Variants in PSG9 observed in about 807,000 individuals in gnomAD.
PSG9 encodes pregnancy specific beta-1-glycoprotein 9, also known as pregnancy-specific beta-1-glycoprotein 9.
PSG9 carries 49 observed loss-of-function variants against 41.9 expected under a neutral mutation model. That is an observed-to-expected ratio of 1.17 (90% CI 0.93 to 1.48). PSG9 has a LOEUF of 1.48. PSG9 is among the 40% of genes most tolerant of loss of function. PSG9 has a pLI of 0.00. For synonymous variants in PSG9, 263 were observed against 196.8 expected (o/e 1.34, Z -2.82); for missense variants, 641 against 520.3 (o/e 1.23, Z -2.26).
chr19:43,267,128 C>T (rs189439509), intron 2 of PSG9, among the ~76,000 whole-genome samples: 2 of 152,182 alleles, frequency 1.3e-5, no homozygotes, highest in African/African-American at 4.8e-5. Flanking sequence ...ATGGACTGTC[C>T]TAAGCCTCCC....
chr19:43,262,376 T>C (rs372672119), intron 2 of PSG9, among the ~76,000 whole-genome samples: 9 of 152,090 alleles, frequency 5.9e-5, no homozygotes, highest in Admixed American at 1.3e-4. Context: ...AGCAGCAGCA[T>C]TGGGTCATGG....
intron 5 of PSG9, chr19:43,257,725 G>A (rs1968498861): frequency 1.7e-6 from 2 of 1,177,920 alleles, no homozygotes; most frequent in Non-Finnish European, 2.1e-6. Flanking sequence ...CCGGAGCAGA[G>A]CAGGAAGCAG....
chr19:43,269,335 C>T (rs751863314), intron 1 of PSG9, 33 bp downstream of exon 1: 3 of 1,613,178 alleles, frequency 1.9e-6, no homozygotes, highest in East Asian at 4.5e-5. Context: ...CCGCTTCCTC[C>T]CCCTGTCCTC....
At chr19:43,253,707 GCTT>G in intron 5 of PSG9, 61 bp from the exon 6 acceptor site, 1 of 1,057,880 alleles carries the variant, frequency 9.5e-7, no homozygotes, top group Non-Finnish European at 1.4e-6. Context: ...TACACAGAAA[GCTT>G]CTTTCCTACA....
At chr19:43,260,039 C>G (rs1161767274) in intron 3 of PSG9, 1 of 146,556 alleles carries the variant, frequency 6.8e-6, no homozygotes, top group Non-Finnish European at 1.5e-5. Context: ...GGATATGAGA[C>G]AAACTTGGAG....
At chr19:43,263,606 A>AT (rs899023355) in intron 2 of PSG9, among the ~76,000 whole-genome samples, 1 of 151,462 alleles carries the variant, frequency 6.6e-6, no homozygotes, top group African/African-American at 2.4e-5. Flanking sequence ...AAAAAAAAAA[A>AT]TTTGGAGGAA....
At chr19:43,258,722 G>A in intron 4 of PSG9, 135 bp downstream of exon 4, 1 of 1,436,718 alleles carries the variant, frequency 7.0e-7, no homozygotes, top group Non-Finnish European at 9.3e-7. Flanking sequence ...TCCCAGGGCA[G>A]GGAGTCATGG....
In PSG9 at chr19:43,258,946, A is replaced by T. The variant is rs141749653; in HGVS notation, c.899T>A (p.Val300Asp). Residue 300 changes from valine to aspartate, a missense_variant, in exon 4 of 6, where the codon GTC becomes GAC. Physicochemically the swap from Val to Asp is radical, Grantham distance 152 (BLOSUM62 -3). Transcript: ENST00000270077. ...ATAGGGTCCTGTTTCATTTCTCGTG[A>T]CACTGGGTAGAATGAGTATCCTGTT... ...IENRILILPS[V>D]TRNETGPYQC... 5.0e-5 allele frequency: 79 copies of T among 1,590,174 alleles called. 7 individuals carry two copies. The highest frequency in any genetic ancestry group is 6.7e-5 in the Non-Finnish European group (79 of 1,174,334).
rs764230759 is a variant in PSG9 at position 43,262,243 on chromosome 19, T to C, written c.431-105A>G. 6.9e-5 allele frequency: 105 copies of C among 1,523,056 alleles called. 1 individual carries two copies. The highest frequency in any genetic ancestry group is 8.9e-5 in the Non-Finnish European group (101 of 1,136,580). 94.3% of individuals were successfully genotyped at this position (1,523,056 alleles called of 1,614,324 possible). A position where few individuals can be genotyped will look rare whatever the true frequency, so the allele number is the denominator to read the frequency against. ...TTTCCCACCTCTCAGCCCAACCCAG[T>C]CCTTAAAAGCCCATGGCAGGTGTGT... On this transcript the variant is annotated intron_variant, in intron 2 of 5. Coordinates refer to ENST00000270077, the MANE Select transcript of PSG9 (RefSeq NM_002784.5).
intron 2 of PSG9, among the ~76,000 whole-genome samples, chr19:43,262,528 T>C (rs1006367067): frequency 4.6e-5 from 7 of 152,142 alleles, no homozygotes; most frequent in Admixed American, 1.3e-4. Context: ...CTTTGCCCCC[T>C]GAGGTATGTT....
rs1774919251 is a variant in PSG9 at position 43,253,403 on chromosome 19, G to C, written c.*206C>G. ...AATATTTCAATTTTTGTTTACAAAA[G>C]TATACTTTACCAATTGCTGAAGAAA... is the stretch of plus-strand genomic sequence containing the variant. On this transcript the variant is annotated 3_prime_UTR_variant, in exon 6 of 6. Coordinates refer to ENST00000270077, the MANE Select transcript of PSG9 (RefSeq NM_002784.5). The C allele has an allele frequency of 4.8e-6, 2 of 415,516 alleles. No individual in the cohort carries two copies. Among genetic ancestry groups the C allele is most frequent in the Non-Finnish European group, 4.2e-6 (1 of 237,810 alleles). 25.7% of individuals were successfully genotyped at this position (415,516 alleles called of 1,614,324 possible). A position where few individuals can be genotyped will look rare whatever the true frequency, so the allele number is the denominator to read the frequency against.
intron 5 of PSG9, chr19:43,257,946 C>A: frequency 7.0e-7 from 1 of 1,429,156 alleles, no homozygotes; most frequent in Non-Finnish European, 9.1e-7. Context: ...GCCTCTTCTA[C>A]CACATAGGGC....
intron 2 of PSG9, among the ~76,000 whole-genome samples, chr19:43,262,378 G>T (rs896770753): frequency 2.6e-5 from 4 of 152,094 alleles, no homozygotes; most frequent in Non-Finnish European, 5.9e-5. Flanking sequence ...CAGCAGCATT[G>T]GGTCATGGAA....
chr19:43,268,294 C>A (rs570965999), intron 1 of PSG9, 145 bp from the exon 2 acceptor site: 9 of 1,303,808 alleles, frequency 6.9e-6, no homozygotes, highest in African/African-American at 4.5e-5. Flanking sequence ...ACACAAAAAA[C>A]GGGCATGTGT....
At chr19:43,268,929 G>A (rs199762399) in intron 1 of PSG9, among the ~76,000 whole-genome samples, 39 of 147,158 alleles carry the variant, frequency 2.7e-4, no homozygotes, top group African/African-American at 4.3e-4. Flanking sequence ...CCGGTTCAAT[G>A]TGACTTTCCT....
Position 43,258,806 on chromosome 19 carries a change from G to T in PSG9, c.988+51C>A, listed in dbSNP as rs373708099. ...AGACTGAGAGGCCTGGCATCTGGTC[G>T]TTTGGACTTAAGCTGGTGTCCTGGC... On this transcript the variant is annotated intron_variant, in intron 4 of 5. Coordinates refer to ENST00000270077, the MANE Select transcript of PSG9 (RefSeq NM_002784.5). The T allele has an allele frequency of 1.8e-5, 29 of 1,575,026 alleles. 7 individuals are homozygous for T. In the East Asian group the frequency reaches 7.2e-4, roughly 39 times the overall value.
chr19:43,264,170 C>A (rs974613874), intron 2 of PSG9, among the ~76,000 whole-genome samples: 4 of 151,964 alleles, frequency 2.6e-5, no homozygotes, highest in African/African-American at 4.8e-5. Context: ...TAGATATCAC[C>A]CACCTGGCCA....
At chr19:43,266,159 C>T (rs1302877796) in intron 2 of PSG9, among the ~76,000 whole-genome samples, 1 of 151,856 alleles carries the variant, frequency 6.6e-6, no homozygotes, top group African/African-American at 2.4e-5. Context: ...ACTTCAGAGA[C>T]CCCAGGGCCC....
Position 43,267,876 on chromosome 19 carries a change from G to A in PSG9, c.338C>T (p.Thr113Ile), listed in dbSNP as rs760602046. Residue 113 changes from threonine to isoleucine, a missense_variant, in exon 2 of 6, where the codon ACC becomes ATC. Thr to Ile is a moderately conservative substitution (Grantham distance 89, BLOSUM62 -1). Coordinates refer to ENST00000270077, the MANE Select transcript of PSG9 (RefSeq NM_002784.5). ...SNASLLIQNV[T>I]RKDAGTYTLH... Reference sequence around the variant, plus strand: ...GGTGTAGGTTCCTGCATCCTTCCGGGTGACATTCTGGATCAGCAGGGATGC... The same window carrying A: ...GGTGTAGGTTCCTGCATCCTTCCGGATGACATTCTGGATCAGCAGGGATGC... 2.5e-6 allele frequency: 4 copies of A among 1,613,674 alleles called. No individual in the cohort carries two copies. The Admixed American group carries it at 5.0e-5, about 20-fold the overall frequency.
Sources: allele counts gnomAD v4.1 joint callset (sites outside exome capture counted in the v4.1 genomes callset), GRCh38; gene constraint gnomAD v4.1.1; transcripts MANE v1.5; gene names NCBI Gene and HGNC (gene_info 2026-07-23, HGNC 2026-07-21).